Variants in AP1G1 observed in about 807,000 individuals in gnomAD.
AP1G1 encodes the protein AP-1 complex subunit gamma-1.
Under a neutral mutation model 108.3 loss-of-function variants are expected in AP1G1, and 7 were observed. The observed-to-expected ratio is 0.06, with a 90% CI of 0.04 to 0.12. AP1G1 has a LOEUF of 0.12. Ranked by LOEUF, AP1G1 falls within the 10% of genes least tolerant of loss-of-function variation. The pLI, the probability that AP1G1 is intolerant of heterozygous loss-of-function variation, is 1.00. For missense variants in AP1G1, 756 were observed against 1,010.7 expected, an observed-to-expected ratio of 0.75 and a Z score of 3.42; for synonymous variants, 379 against 353.5, an observed-to-expected ratio of 1.07 and a Z score of -0.81.
chr16:71,769,522 C>T lies in AP1G1; in HGVS notation c.642+101G>A, dbSNP rs769325456. 7 of 1,141,928 alleles carry T rather than the reference C, an allele frequency of 6.1e-6. No individual in the cohort carries two copies. The African/African-American group carries it at 9.2e-5, about 15-fold the overall frequency. 70.7% of individuals were successfully genotyped at this position (1,141,928 alleles called of 1,614,324 possible). ...GGCTAGTTAAATCCCTTATTCAGAT[C>T]CATAGCTTGCTTTCAAAAAAAAATA... On this transcript the variant is annotated intron_variant, in intron 6 of 22. Coordinates refer to ENST00000299980, the MANE Select transcript of AP1G1 (RefSeq NM_001128.6).
chr16:71,781,167 A>C (rs1326935672), intron 2 of AP1G1, among the ~76,000 whole-genome samples: 1 of 152,150 alleles, frequency 6.6e-6, no homozygotes, highest in East Asian at 1.9e-4. Flanking sequence ...ACACACACAC[A>C]CCTAAAATCA....
At chr16:71,740,108 G>A (rs1049965734) in intron 19 of AP1G1, among the ~76,000 whole-genome samples, 2 of 152,190 alleles carry the variant, frequency 1.3e-5, no homozygotes, top group African/African-American at 2.4e-5. Context: ...GCTATAGGAA[G>A]GTAAACTGGC....
At chr16:71,773,117 A>T (rs1475128489) in intron 4 of AP1G1, 104 bp downstream of exon 4, 6 of 1,276,480 alleles carry the variant, frequency 4.7e-6, no homozygotes, top group Non-Finnish European at 5.6e-6. Context: ...ACACAGAAAA[A>T]ATGACTTTAC....
At chr16:71,778,346 T>G (rs905971007) in intron 2 of AP1G1, among the ~76,000 whole-genome samples, 1 of 152,186 alleles carries the variant, frequency 6.6e-6, no homozygotes, top group African/African-American at 2.4e-5. Flanking sequence ...TATACTTAAG[T>G]GGCCAGCCAT....
chr16:71,791,101 G>A (rs1354686635), intron 1 of AP1G1, among the ~76,000 whole-genome samples: 2 of 151,914 alleles, frequency 1.3e-5, no homozygotes, highest in Non-Finnish European at 2.9e-5. Flanking sequence ...CACACCTGTA[G>A]GCTCAGCTAC....
At chr16:71,793,590 C>A (rs2032479091) in intron 1 of AP1G1, among the ~76,000 whole-genome samples, 1 of 152,196 alleles carries the variant, frequency 6.6e-6, no homozygotes, top group South Asian at 2.1e-4. Context: ...CAGTCTGGAG[C>A]TACTTAGTGT....
At chr16:71,761,816 C>CAAAAAAAAAAAAAAAAAAAAAAA in intron 9 of AP1G1, among the ~76,000 whole-genome samples, 1 of 44,874 alleles carries the variant, frequency 2.2e-5, no homozygotes, top group Non-Finnish European at 4.8e-5. Flanking sequence ...GACTCCATCT[C>CAAAAAAAAAAAAAAAAAAAAAAA]AAAAAAAAAA....
chr16:71,772,154 G>A (rs757245702), intron 4 of AP1G1, among the ~76,000 whole-genome samples: 5 of 147,516 alleles, frequency 3.4e-5, no homozygotes, highest in Non-Finnish European at 4.5e-5. Context: ...TTTTTGAGAC[G>A]GAGTCTCGCT....
At chr16:71,777,314 G>T (rs538043200) in intron 2 of AP1G1, among the ~76,000 whole-genome samples, 1 of 151,106 alleles carries the variant, frequency 6.6e-6, no homozygotes, top group African/African-American at 2.4e-5. Context: ...ACCAGAGGGT[G>T]GGGGGAGCGG....
At chr16:71,807,761 C>T (rs1259576570) in intron 1 of AP1G1, 8 of 1,254,910 alleles carry the variant, frequency 6.4e-6, no homozygotes, top group African/African-American at 1.5e-5. Context: ...CTTCTGTTAA[C>T]TAATCACTGT....
intron 6 of AP1G1, among the ~76,000 whole-genome samples, chr16:71,768,865 C>T (rs1343672794): frequency 7.3e-6 from 1 of 137,748 alleles, no homozygotes; most frequent in Non-Finnish European, 1.5e-5. Context: ...TTGCAGCGAG[C>T]CAAGATCGCG....
intron 2 of AP1G1, among the ~76,000 whole-genome samples, chr16:71,777,385 A>G (rs1371869989): frequency 6.6e-6 from 1 of 152,016 alleles, no homozygotes; most frequent in African/African-American, 2.4e-5. Context: ...GGGAGCTCAG[A>G]TGGAGTAGGT....
chr16:71,761,667 C>A, intron 9 of AP1G1, 100 bp from the exon 10 acceptor site: 1 of 882,586 alleles, frequency 1.1e-6, no homozygotes, highest in South Asian at 1.6e-5. Context: ...GCTTCACAGA[C>A]TGCTAGCAAA....
chr16:71,803,088 G>A (rs191806290), intron 1 of AP1G1, among the ~76,000 whole-genome samples: 3 of 151,802 alleles, frequency 2.0e-5, no homozygotes, highest in East Asian at 2.0e-4. Context: ...AGTGGTGCAC[G>A]CCTGCAGTCC....
chr16:71,762,564 T>C (rs1037103441), intron 9 of AP1G1, among the ~76,000 whole-genome samples: 5 of 152,148 alleles, frequency 3.3e-5, no homozygotes, highest in African/African-American at 1.2e-4. Flanking sequence ...TAATCAATCA[T>C]GTCTGTGTAA....
intron 2 of AP1G1, among the ~76,000 whole-genome samples, chr16:71,780,517 A>AT (rs2031975127): frequency 6.6e-6 from 1 of 150,860 alleles, no homozygotes; most frequent in South Asian, 2.1e-4. Context: ...AAAAAAAAAA[A>AT]TTGCAGCTTT....
Position 71,745,166 on chromosome 16 carries a change from C to T in AP1G1, c.1977G>A (p.Leu659=). 1 of 1,614,062 alleles carries T rather than the reference C, an allele frequency of 6.2e-7. No individual in the cohort carries two copies. Among genetic ancestry groups the T allele is most frequent in the Non-Finnish European group, 8.5e-7 (1 of 1,180,008 alleles). The change falls in exon 19 of 23, where the codon TTG becomes TTA. Residue 659 remains leucine, a synonymous_variant. Coordinates refer to ENST00000299980, the MANE Select transcript of AP1G1 (RefSeq NM_001128.6). ...CACCTGTAAGGTTGATGTCTCCCAG[C>T]AAATCAAGAAGTTCTCCACCAGCAG... ...PSSAGGELLD[L]LGDINLTGAP...
chr16:71,739,286 G>A lies in AP1G1; in HGVS notation c.2055C>T (p.Pro685=). 2 of 1,613,046 alleles carry A rather than the reference G, an allele frequency of 1.2e-6. No individual in the cohort carries two copies. The highest frequency in any genetic ancestry group is 1.1e-5 in the South Asian group (1 of 90,856). Residue 685 remains proline, a synonymous_variant, in exon 20 of 23, where the codon CCC becomes CCT. Transcript: ENST00000299980. The part of the protein sequence containing the change: ...PASVPQISQP[P]FLLDGLSSQP... Reference sequence around the variant, plus strand: ...GTGATGAAAGCCCATCCAACAAGAAGGGGGGCTGGGATATCTGTGGGACTG... The same window carrying A: ...GTGATGAAAGCCCATCCAACAAGAAAGGGGGCTGGGATATCTGTGGGACTG...
At chr16:71,768,978 C>CAAAAAAA (rs59451625) in intron 6 of AP1G1, among the ~76,000 whole-genome samples, 2 of 65,018 alleles carry the variant, frequency 3.1e-5, no homozygotes, top group Non-Finnish European at 5.1e-5. Context: ...AAAAAAAATA[C>CAAAAAAA]AAAAAAAAAA....
Sources: allele counts gnomAD v4.1 joint callset (sites outside exome capture counted in the v4.1 genomes callset), GRCh38; gene constraint gnomAD v4.1.1; transcripts MANE v1.5; gene names NCBI Gene and HGNC (gene_info 2026-07-23, HGNC 2026-07-21).